TESMIN: variants seen among roughly 807,000 people sequenced by gnomAD.
TESMIN encodes the protein CXC domain containing 2.
A neutral mutation model predicts 47.4 loss-of-function variants in TESMIN; 34 were observed. The observed-to-expected ratio is 0.72, with a 90% confidence interval of 0.55 to 0.96. The LOEUF is 0.96. Among genes scored for constraint, TESMIN ranks in the 40% least tolerant of loss-of-function variants. The pLI, the probability that TESMIN is intolerant of heterozygous loss-of-function variation, is 0.00. For missense variants in TESMIN, 610 were observed against 637.2 expected, an observed-to-expected ratio of 0.96 and a Z score of 0.46; for synonymous variants, 278 against 258.9, an observed-to-expected ratio of 1.07 and a Z score of -0.71.
chr11:68,721,461 TG>T lies in TESMIN; in HGVS notation c.918-5523del, dbSNP rs149978747. Among the ~76,000 whole-genome samples the T allele has an allele frequency of 7.9e-3, 1,202 of 152,278 alleles. 14 individuals are homozygous for T. Among genetic ancestry groups the T allele is most frequent in the African/African-American group, 0.027 (1,128 of 41,550 alleles). The stretch of plus-strand genomic sequence containing the variant: ...CCCCCTCAGCCCATTACTGCTCCTT[TG>T]CCACATTTTCCATGGTTCCACTCCG... On this transcript the variant is annotated intron_variant, in intron 6 of 9. Transcript: ENST00000255087.
At chr11:68,711,319 G>T (rs1295477972) in intron 8 of TESMIN, among the ~76,000 whole-genome samples, 2 of 151,386 alleles carry the variant, frequency 1.3e-5, no homozygotes, top group African/African-American at 4.9e-5. Flanking sequence ...TGTGTGGGGT[G>T]TGTGTGTGTC....
In TESMIN at chr11:68,715,832, A is replaced by G; in HGVS notation, c.1020+5T>C. ...AAATGCATACATTTAATGGACATTT[A>G]TTACCTTAATGGCTTTAAACCGTTC... On this transcript the variant is annotated splice_donor_5th_base_variant and intron_variant, in intron 7 of 9. Transcript: ENST00000255087. 1.9e-6 allele frequency: 3 copies of G among 1,560,454 alleles called. No homozygotes were observed. Among genetic ancestry groups the G allele is most frequent in the Non-Finnish European group, 2.7e-6 (3 of 1,131,938 alleles).
At chr11:68,740,569 G>A (rs1946444184) in intron 5 of TESMIN, among the ~76,000 whole-genome samples, 1 of 152,132 alleles carries the variant, frequency 6.6e-6, no homozygotes, top group African/African-American at 2.4e-5. Flanking sequence ...GCGTGGAGGG[G>A]GCCAGACGGT....
intron 6 of TESMIN, 64 bp from the exon 7 acceptor site, chr11:68,716,003 G>C: frequency 9.3e-7 from 1 of 1,069,534 alleles, no homozygotes. Context: ...GAAAAGAAGA[G>C]CACACACGTG....
At chr11:68,743,388 G>A (rs1946482243) in intron 4 of TESMIN, among the ~76,000 whole-genome samples, 1 of 151,854 alleles carries the variant, frequency 6.6e-6, no homozygotes. Context: ...GGGACAACAG[G>A]TGCACACCAC....
In TESMIN at chr11:68,728,767, A is replaced by G. The variant is rs532128521; in HGVS notation, c.917+9933T>C. ...TTCTGCAAATCCTAGACCCTTTAAGAATGTTGCTAAAACTACTCTGCCTTG... is the reference window on the plus strand; with the variant it reads ...TTCTGCAAATCCTAGACCCTTTAAGGATGTTGCTAAAACTACTCTGCCTTG... On this transcript the variant is annotated intron_variant, in intron 6 of 9. Coordinates refer to ENST00000255087, the MANE Select transcript of TESMIN (RefSeq NM_004923.3). Among the ~76,000 whole-genome samples the G allele has an allele frequency of 2.6e-5, 4 of 152,344 alleles. No individual in the cohort carries two copies. In the South Asian group the frequency reaches 6.2e-4, roughly 24 times the overall value.
rs1017695271 is a variant in TESMIN, at chr11:68,711,046, G to T, written c.1162C>A (p.Gln388Lys). Residue 388 changes from glutamine (Q) to lysine (K), a missense_variant, in exon 9 of 10, where the codon CAA becomes AAA. Transcript: ENST00000255087. ...LKNYCECYEA[Q>K]IMCSSICKCI... is the part of the protein sequence containing the mutation. Reference sequence around the variant, plus strand: ...TTGCAAATAGAAGAACACATAATTTGGGCCTGGTAATATAAAATGCTTCAA... The same window carrying T: ...TTGCAAATAGAAGAACACATAATTTTGGCCTGGTAATATAAAATGCTTCAA... 5.6e-6 allele frequency: 9 copies of T among 1,598,690 alleles called. No individual in the cohort carries two copies. In the African/African-American group the frequency reaches 6.8e-5, roughly 12 times the overall value.
rs756420011 is a variant in TESMIN, at chr11:68,750,456, G to C, written c.205C>G (p.Pro69Ala). 6.3e-7 allele frequency: 1 copy of C among 1,591,010 alleles called. No individual in the cohort carries two copies. The highest frequency in any genetic ancestry group is 8.6e-7 in the Non-Finnish European group (1 of 1,168,456). The change falls in exon 2 of 10, where the codon CCC becomes GCC. Residue 69 changes from proline to alanine, a missense_variant. By Grantham distance (27) the Pro-to-Ala change is conservative. Coordinates refer to ENST00000255087, the MANE Select transcript of TESMIN (RefSeq NM_004923.3). ...PKEPVLHAFN[P>A]ALGADCKGQV... ...CCCTTGCAGTCGGCGCCCAGCGCGG[G>C]GTTGAACGCGTGCAGGACGGGTTCC...
chr11:68,718,359 T>G (rs1946166837), intron 6 of TESMIN, among the ~76,000 whole-genome samples: 1 of 151,974 alleles, frequency 6.6e-6, no homozygotes, highest in African/African-American at 2.4e-5. Flanking sequence ...TATTGATCGA[T>G]GAAACAGGAA....
At chr11:68,721,869 T>C (rs1946207314) in intron 6 of TESMIN, among the ~76,000 whole-genome samples, 1 of 152,172 alleles carries the variant, frequency 6.6e-6, no homozygotes, top group South Asian at 2.1e-4. Context: ...AATAAGATGG[T>C]ATTGTATATT....
chr11:68,743,041 C>T (rs925860985), intron 4 of TESMIN, among the ~76,000 whole-genome samples: 4 of 151,990 alleles, frequency 2.6e-5, no homozygotes, highest in Admixed American at 2.6e-4. Flanking sequence ...CCATGCCTGG[C>T]TAATGTTTTC....
chr11:68,709,878 T>C (rs940365389), intron 9 of TESMIN, among the ~76,000 whole-genome samples: 13 of 152,332 alleles, frequency 8.5e-5, no homozygotes, highest in African/African-American at 3.1e-4. Context: ...GATAAAGACC[T>C]CTGTGGGTCA....
chr11:68,710,891 T>G lies in TESMIN; in HGVS notation c.1317A>C (p.Pro439=). ...YLPPTKFSGL[P]RFSHDRRPSS... is the part of the protein sequence containing the mutation. ...GTACCTACCTATCGTGACTGAATCT[T>G]GGAAGTCCTGAAAATTTCGTTGGTG... is the stretch of plus-strand genomic sequence containing the variant. The change falls in exon 9 of 10, where the codon CCA becomes CCC. Residue 439 remains proline (P), a synonymous_variant. Coordinates refer to ENST00000255087, the MANE Select transcript of TESMIN (RefSeq NM_004923.3). 6.2e-7 allele frequency: 1 copy of G among 1,613,180 alleles called. No homozygotes were observed. The highest frequency in any genetic ancestry group is 2.2e-5 in the East Asian group (1 of 44,868).
At chr11:68,747,930 C>T (rs181466391) in intron 2 of TESMIN, among the ~76,000 whole-genome samples, 3 of 152,118 alleles carry the variant, frequency 2.0e-5, no homozygotes, top group Non-Finnish European at 2.9e-5. Flanking sequence ...TAAGAATCCT[C>T]GTGGTTAAAA....
intron 6 of TESMIN, among the ~76,000 whole-genome samples, chr11:68,718,636 C>T (rs980232213): frequency 3.9e-5 from 6 of 152,216 alleles, no homozygotes; most frequent in Admixed American, 2.6e-4. Flanking sequence ...CTGCCTTGGG[C>T]TCTGCACAGT....
chr11:68,708,034 G>T lies in TESMIN; in HGVS notation c.*274C>A. 2 of 460,156 alleles carry T rather than the reference G, an allele frequency of 4.3e-6. No homozygotes were observed. The highest frequency in any genetic ancestry group is 8.1e-6 in the Non-Finnish European group (2 of 247,590). The allele number at this position is 460,156 out of a possible 1,614,324, so 28.5% of individuals were successfully genotyped here. On this transcript the variant is annotated 3_prime_UTR_variant, in exon 10 of 10. Coordinates refer to ENST00000255087, the MANE Select transcript of TESMIN (RefSeq NM_004923.3). Reference sequence around the variant, plus strand: ...GCTGTGCCCTCCCCTGCCCTGCTCTGCCCTCCGCCGCCCTGCAGACACTCT... The same window carrying T: ...GCTGTGCCCTCCCCTGCCCTGCTCTTCCCTCCGCCGCCCTGCAGACACTCT...
Position 68,745,036 on chromosome 11 carries a change from G to A in TESMIN, c.706C>T (p.His236Tyr). The A allele has an allele frequency of 6.3e-7, 1 of 1,590,732 alleles. No homozygotes were observed. Among genetic ancestry groups the A allele is most frequent in the Non-Finnish European group, 8.5e-7 (1 of 1,173,388 alleles). ...TGATCTTGATACTGAGGAACCAAAT[G>A]GAGTGCTTTTAGTTCTCTTGTTCTA... ...NSRTRELKAL[H>Y]LVPQYQDQNN... Residue 236 changes from histidine to tyrosine, a missense_variant, in exon 4 of 10, where the codon CAT becomes TAT. His to Tyr is a moderately conservative substitution (Grantham distance 83). Coordinates refer to ENST00000255087, the MANE Select transcript of TESMIN (RefSeq NM_004923.3).
At chr11:68,717,345 C>G (rs1353294830) in intron 6 of TESMIN, among the ~76,000 whole-genome samples, 1 of 152,086 alleles carries the variant, frequency 6.6e-6, no homozygotes, top group African/African-American at 2.4e-5. Context: ...GTGCAGCAGA[C>G]AGGAGACAAA....
At chr11:68,717,819 C>A (rs1470551804) in intron 6 of TESMIN, among the ~76,000 whole-genome samples, 1 of 152,102 alleles carries the variant, frequency 6.6e-6, no homozygotes, top group Non-Finnish European at 1.5e-5. Flanking sequence ...GTGGCAGAGA[C>A]TAAAAGTGAC....
Sources: gnomAD v4.1 joint callset for allele counts (sites outside exome capture counted in the v4.1 genomes callset) on GRCh38, gnomAD v4.1.1 for gene constraint, MANE v1.5 for transcripts, NCBI Gene and HGNC (gene_info 2026-07-23, HGNC 2026-07-21) for gene names.